Variants in PARD3 observed in about 807,000 individuals in gnomAD.
PARD3 encodes the protein partitioning defective 3 homolog.
PARD3 carries 75 observed loss-of-function variants against 155.4 expected under a neutral mutation model. That is an observed-to-expected ratio of 0.48 (90% CI 0.40 to 0.58). PARD3 has a LOEUF of 0.58. Among genes scored for constraint, PARD3 ranks in the 20% least tolerant of loss-of-function variants. PARD3 has a pLI of 0.00. For missense variants in PARD3, 1,642 were observed against 1,721.7 expected, an observed-to-expected ratio of 0.95 and a Z score of 0.82; for synonymous variants, 576 against 610.5, an observed-to-expected ratio of 0.94 and a Z score of 0.83.
intron 3 of PARD3, among the ~76,000 whole-genome samples, chr10:34,503,065 T>A (rs1020433840): frequency 1.3e-5 from 2 of 151,772 alleles, no homozygotes; most frequent in Admixed American, 6.6e-5. Context: ...TTAAAAAAAA[T>A]TGGCTATTAT....
chr10:34,564,123 T>C (rs983691029), intron 2 of PARD3, among the ~76,000 whole-genome samples: 1 of 152,222 alleles, frequency 6.6e-6, no homozygotes, highest in Non-Finnish European at 1.5e-5. Flanking sequence ...ACCTTCTCTA[T>C]GCATGAAATG....
chr10:34,501,895 C>T (rs950206050), intron 3 of PARD3, among the ~76,000 whole-genome samples: 1 of 152,066 alleles, frequency 6.6e-6, no homozygotes, highest in Non-Finnish European at 1.5e-5. Context: ...AATCCTAATC[C>T]CCAAGGTGAT....
rs1216364110 is a variant in PARD3 at position 34,511,186 on chromosome 10, C to T, written c.403+5793G>A. 3.3e-5 allele frequency among the ~76,000 whole-genome samples: 5 copies of T among 152,346 alleles called. No individual in the cohort carries two copies. In the East Asian group the frequency reaches 7.7e-4, roughly 23 times the overall value. On this transcript the variant is annotated intron_variant, in intron 3 of 24. Coordinates refer to ENST00000374788, the MANE Select transcript of PARD3 (RefSeq NM_001184785.2). ...ACCCCTATCGTGTTCACATGCTTCT[C>T]AGGGTTCTGTATTTCCTGTAAATAG...
chr10:34,299,747 TTC>T (rs1231850401), intron 20 of PARD3, among the ~76,000 whole-genome samples: 5 of 152,222 alleles, frequency 3.3e-5, no homozygotes, highest in Non-Finnish European at 5.9e-5. Context: ...ATATAAATTT[TTC>T]TGTTTGTTCA....
At chr10:34,387,056 C>T (rs1028252409) in intron 7 of PARD3, among the ~76,000 whole-genome samples, 1 of 152,058 alleles carries the variant, frequency 6.6e-6, no homozygotes, top group Non-Finnish European at 1.5e-5. Flanking sequence ...CCACTATAAA[C>T]CAGACACACT....
At chr10:34,164,989 G>A (rs1289944499) in intron 22 of PARD3, among the ~76,000 whole-genome samples, 2 of 151,974 alleles carry the variant, frequency 1.3e-5, no homozygotes, top group Admixed American at 6.6e-5. Flanking sequence ...ATAATTTAAC[G>A]TTGATTGATA....
intron 2 of PARD3, among the ~76,000 whole-genome samples, chr10:34,564,298 A>G (rs2085746897): frequency 6.6e-6 from 1 of 152,244 alleles, no homozygotes; most frequent in African/African-American, 2.4e-5. Context: ...TTTATATAAA[A>G]AAGTATATGA....
At chr10:34,630,343 CT>C (rs2132813457) in intron 2 of PARD3, among the ~76,000 whole-genome samples, 2 of 152,320 alleles carry the variant, frequency 1.3e-5, no homozygotes, top group African/African-American at 4.8e-5. Flanking sequence ...AGGAATGCAG[CT>C]TTTCACATCC....
intron 5 of PARD3, among the ~76,000 whole-genome samples, chr10:34,445,000 C>G (rs188564230): frequency 5.3e-5 from 8 of 151,812 alleles, no homozygotes; most frequent in Non-Finnish European, 1.2e-4. Flanking sequence ...CCAGACCACA[C>G]GACTAAAGGA....
At chr10:34,253,355 T>C (rs1954444487) in intron 22 of PARD3, among the ~76,000 whole-genome samples, 1 of 152,234 alleles carries the variant, frequency 6.6e-6, no homozygotes, top group Admixed American at 6.5e-5. Context: ...GTAAATCATG[T>C]GTCATTCACA....
intron 2 of PARD3, among the ~76,000 whole-genome samples, chr10:34,648,144 T>A (rs955701182): frequency 1.3e-5 from 2 of 152,204 alleles, no homozygotes; most frequent in South Asian, 2.1e-4. Context: ...ACAAACAGAC[T>A]CAAACCTCGT....
intron 15 of PARD3, chr10:34,344,929 C>G: frequency 1.0e-6 from 1 of 985,370 alleles, no homozygotes; most frequent in South Asian, 4.7e-5. Flanking sequence ...AACTCCCCGA[C>G]ATATAAGGTA....
At chr10:34,242,671 T>C (rs896420020) in intron 22 of PARD3, among the ~76,000 whole-genome samples, 3 of 152,196 alleles carry the variant, frequency 2.0e-5, no homozygotes, top group African/African-American at 4.8e-5. Flanking sequence ...GTATGCACAC[T>C]AAAAATAATT....
At chr10:34,634,508 ACTG>A (rs2092396436) in intron 2 of PARD3, among the ~76,000 whole-genome samples, 1 of 152,196 alleles carries the variant, frequency 6.6e-6, no homozygotes, top group Non-Finnish European at 1.5e-5. Context: ...AGCATGTACT[ACTG>A]CTGTTATAAC....
intron 19 of PARD3, among the ~76,000 whole-genome samples, chr10:34,319,740 G>A (rs948843048): frequency 2.6e-5 from 4 of 152,172 alleles, no homozygotes; most frequent in Admixed American, 2.6e-4. Flanking sequence ...CTCAAGCAGG[G>A]CTGTAGTGTG....
intron 22 of PARD3, among the ~76,000 whole-genome samples, chr10:34,162,088 G>A (rs1949309125): frequency 6.6e-6 from 1 of 152,030 alleles, no homozygotes; most frequent in Non-Finnish European, 1.5e-5. Context: ...AGATAGGGAA[G>A]GGTCCCTGAA....
chr10:34,579,035 A>C (rs1037495426), intron 2 of PARD3, among the ~76,000 whole-genome samples: 1 of 152,098 alleles, frequency 6.6e-6, no homozygotes, highest in Non-Finnish European at 1.5e-5. Flanking sequence ...CACTTGGGAG[A>C]CCAAGGAGGG....
intron 8 of PARD3, 94 bp downstream of exon 8, chr10:34,384,035 C>T: frequency 7.9e-6 from 10 of 1,269,948 alleles, no homozygotes; most frequent in Non-Finnish European, 1.0e-5. Flanking sequence ...AGTATACAGA[C>T]TGAGATCACA....
intron 3 of PARD3, among the ~76,000 whole-genome samples, chr10:34,511,171 T>C (rs1015091633): frequency 6.6e-6 from 1 of 152,200 alleles, no homozygotes; most frequent in Non-Finnish European, 1.5e-5. Context: ...ACCCCTATCG[T>C]GTTCACATGC....
Sources: gnomAD v4.1 joint callset for allele counts (sites outside exome capture counted in the v4.1 genomes callset) on GRCh38, gnomAD v4.1.1 for gene constraint, MANE v1.5 for transcripts, NCBI Gene and HGNC (gene_info 2026-07-23, HGNC 2026-07-21) for gene names.